Variants in LRRC75A observed in about 807,000 individuals in gnomAD.
LRRC75A encodes the protein leucine-rich repeat-containing protein 75A.
A neutral mutation model predicts 26.0 loss-of-function variants in LRRC75A; 12 were observed. The ratio of observed to expected loss-of-function variants is 0.46; its 90% CI spans 0.30 to 0.75. LRRC75A has a LOEUF of 0.75. Ranked by LOEUF, LRRC75A falls within the 30% of genes least tolerant of loss-of-function variation. The pLI, the probability that LRRC75A is intolerant of heterozygous loss-of-function variation, is 0.08. For missense variants in LRRC75A, 410 were observed against 486.6 expected (o/e 0.84, Z 1.48); for synonymous variants, 223 against 219.3 (o/e 1.02, Z -0.15).
At chr17:16,467,037 A>G (rs758274458) in intron 1 of LRRC75A, among the ~76,000 whole-genome samples, 36 of 152,346 alleles carry the variant, frequency 2.4e-4, no homozygotes, top group Admixed American at 5.2e-4. Flanking sequence ...GTCTTCTAGA[A>G]AGTGAGACTA....
At chr17:16,465,852 G>T (rs2093764437) in intron 1 of LRRC75A, among the ~76,000 whole-genome samples, 1 of 152,224 alleles carries the variant, frequency 6.6e-6, no homozygotes, top group South Asian at 2.1e-4. Flanking sequence ...AGGGGAAAAG[G>T]AGTGTAGAGG....
intron 1 of LRRC75A, among the ~76,000 whole-genome samples, chr17:16,465,323 T>G (rs924530362): frequency 3.3e-5 from 5 of 152,244 alleles, no homozygotes; most frequent in African/African-American, 9.6e-5. Flanking sequence ...CAACTCGCTG[T>G]AAGTCTGTGG....
At chr17:16,463,471 G>A (rs2093743955) in intron 1 of LRRC75A, among the ~76,000 whole-genome samples, 1 of 152,116 alleles carries the variant, frequency 6.6e-6, no homozygotes, top group South Asian at 2.1e-4. Context: ...ACCATCCTGG[G>A]GAACATGAGA....
rs531121912 is a variant in LRRC75A at position 16,475,720 on chromosome 17, G to A, written c.247-13334C>T. Among the ~76,000 whole-genome samples, 141 of 152,050 alleles carry A rather than the reference G, an allele frequency of 9.3e-4. 2 individuals are homozygous for A. The South Asian group carries it at 0.022, about 24-fold the overall frequency. ...CCTGAATAGCTGAGACTACAGGTAC[G>A]TGCTACCACACCAGCTAATTAAAAA... is the stretch of plus-strand genomic sequence containing the variant. On this transcript the variant is annotated intron_variant, in intron 1 of 3. Coordinates refer to ENST00000470794, the MANE Select transcript of LRRC75A (RefSeq NM_001113567.3).
rs529188441 is a variant in LRRC75A at position 16,443,230 on chromosome 17, T to C, written c.*358A>G. ...TAGGGGCCCTACTGTATTCTTTTTC[T>C]GGGGGAAAGCTCTTGGTGTTCACAA... On this transcript the variant is annotated 3_prime_UTR_variant, in exon 4 of 4. Transcript: ENST00000470794. 1 of 253,966 alleles carries C rather than the reference T, an allele frequency of 3.9e-6. No individual in the cohort carries two copies. Among genetic ancestry groups the C allele is most frequent in the East Asian group, 7.4e-5 (1 of 13,542 alleles). The allele number at this position is 253,966 out of a possible 1,614,324, so 15.7% of individuals were successfully genotyped here.
At chr17:16,456,931 T>C (rs573338365) in intron 2 of LRRC75A, among the ~76,000 whole-genome samples, 1 of 152,284 alleles carries the variant, frequency 6.6e-6, no homozygotes, top group East Asian at 1.9e-4. Context: ...CACAGTCAAG[T>C]GACTATGAGT....
At chr17:16,445,637 G>C (rs1326481180) in intron 3 of LRRC75A, among the ~76,000 whole-genome samples, 1 of 152,216 alleles carries the variant, frequency 6.6e-6, no homozygotes, top group African/African-American at 2.4e-5. Flanking sequence ...TCCACAGTTT[G>C]TTCATTTTGA....
At position 16,447,914 on chromosome 17, in the gene LRRC75A, G is replaced by A. The variant is rs1190688023; in HGVS notation, c.422C>T (p.Thr141Ile). The change falls in exon 3 of 4, where the codon ACA becomes ATA. Residue 141 changes from threonine (T) to isoleucine (I), a missense_variant. Thr to Ile is a moderately conservative substitution (Grantham distance 89). Transcript: ENST00000470794. ...CTGGGAGTGGGGGCTGAGGTGGTAT[G>A]TCAGCTGCCGGCACAGCTTCTCCAT... ...GAMEKLCRQL[T>I]YHLSPHSQWR... 9 of 1,550,928 alleles carry A rather than the reference G, an allele frequency of 5.8e-6. No individual in the cohort carries two copies. Among genetic ancestry groups the A allele is most frequent in the Non-Finnish European group, 7.0e-6 (8 of 1,146,924 alleles).
At chr17:16,453,426 G>A (rs1202303666) in intron 2 of LRRC75A, among the ~76,000 whole-genome samples, 1 of 152,140 alleles carries the variant, frequency 6.6e-6, no homozygotes, top group Non-Finnish European at 1.5e-5. Context: ...GCCACGCACA[G>A]GGCCAGGCTC....
intron 1 of LRRC75A, among the ~76,000 whole-genome samples, chr17:16,472,219 T>C (rs941486150): frequency 2.0e-5 from 3 of 151,998 alleles, no homozygotes; most frequent in Non-Finnish European, 4.4e-5. Context: ...TCTGGCCCCC[T>C]GTGACTCTTC....
intron 1 of LRRC75A, among the ~76,000 whole-genome samples, chr17:16,483,934 T>A (rs73980164): frequency 0.011 from 1,613 of 152,374 alleles, 28 homozygotes; most frequent in African/African-American, 0.037. Context: ...ACTACTTTTT[T>A]AATTTTCTGC....
chr17:16,455,414 C>T (rs912460899), intron 2 of LRRC75A, among the ~76,000 whole-genome samples: 4 of 151,622 alleles, frequency 2.6e-5, no homozygotes, highest in Admixed American at 2.6e-4. Context: ...GAGTCTTGCT[C>T]TGTCGCCCGG....
chr17:16,488,090 G>A (rs2093850568), intron 1 of LRRC75A, among the ~76,000 whole-genome samples: 1 of 152,232 alleles, frequency 6.6e-6, no homozygotes, highest in African/African-American at 2.4e-5. Flanking sequence ...CTGCTGGGGT[G>A]AAGAGATGAC....
chr17:16,472,715 G>A (rs2093810525), intron 1 of LRRC75A, among the ~76,000 whole-genome samples: 1 of 152,176 alleles, frequency 6.6e-6, no homozygotes, highest in South Asian at 2.1e-4. Flanking sequence ...TTTAAAACGG[G>A]TAATTGAGTA....
intron 1 of LRRC75A, among the ~76,000 whole-genome samples, chr17:16,465,724 TC>T (rs2093762795): frequency 6.6e-6 from 1 of 152,166 alleles, no homozygotes; most frequent in African/African-American, 2.4e-5. Flanking sequence ...ATGCCAAATG[TC>T]CTTTCCGGAG....
chr17:16,483,149 C>T (rs576619569), intron 1 of LRRC75A, among the ~76,000 whole-genome samples: 1 of 152,364 alleles, frequency 6.6e-6, no homozygotes, highest in Admixed American at 6.5e-5. Flanking sequence ...ATGTGGACAG[C>T]AGGTCCCAGC....
chr17:16,489,512 C>T (rs1005868180), intron 1 of LRRC75A, among the ~76,000 whole-genome samples: 1 of 152,160 alleles, frequency 6.6e-6, no homozygotes, highest in Non-Finnish European at 1.5e-5. Flanking sequence ...CACCACCAGA[C>T]TAGAGAAGGA....
Position 16,473,960 on chromosome 17 carries a change from T to C in LRRC75A, c.247-11574A>G, listed in dbSNP as rs920538331. Among the ~76,000 whole-genome samples the C allele has an allele frequency of 1.1e-4, 16 of 152,340 alleles. No individual in the cohort carries two copies. In the East Asian group the frequency reaches 2.7e-3, roughly 26 times the overall value. On this transcript the variant is annotated intron_variant, in intron 1 of 3. Transcript: ENST00000470794. The stretch of plus-strand genomic sequence containing the variant: ...TTTGAAGTCTTAAAAAATGACACCC[T>C]CTGTGTGAAACAGGCCTCTGGAAAC...
intron 2 of LRRC75A, among the ~76,000 whole-genome samples, chr17:16,449,058 G>A (rs113906526): frequency 4.9e-4 from 75 of 152,338 alleles, no homozygotes; most frequent in East Asian, 1.7e-3. Flanking sequence ...GACCAAAAGC[G>A]TGCTCCTGCC....
Sources: allele counts gnomAD v4.1 joint callset (sites outside exome capture counted in the v4.1 genomes callset), GRCh38; gene constraint gnomAD v4.1.1; transcripts MANE v1.5; gene names NCBI Gene and HGNC (gene_info 2026-07-23, HGNC 2026-07-21).